ADK: variants seen among roughly 807,000 people sequenced by gnomAD.
ADK encodes the protein adenosine kinase, also known as N6,N6-dimethyladenosine kinase.
ADK carries 24 observed loss-of-function variants against 44.7 expected under a neutral mutation model. The observed-to-expected ratio is 0.54, with a 90% CI of 0.39 to 0.76. The LOEUF (loss-of-function observed/expected upper bound fraction) is 0.76. Ranked by LOEUF, ADK falls within the 30% of genes least tolerant of loss-of-function variation. The probability of loss-of-function intolerance (pLI) is 0.00; values close to 1 mark genes in which losing one functional copy is unlikely to be tolerated. For synonymous variants in ADK, 128 were observed against 142.6 expected (o/e 0.90, Z 0.73); for missense variants, 321 against 425.1 (o/e 0.76, Z 2.15).
intron 3 of ADK, among the ~76,000 whole-genome samples, chr10:74,284,781 A>G (rs1007194682): frequency 6.6e-6 from 1 of 152,242 alleles, no homozygotes; most frequent in Admixed American, 6.5e-5. Context: ...AAATTCTAAA[A>G]GTGATTCTCT....
intron 1 of ADK, among the ~76,000 whole-genome samples, chr10:74,181,021 T>C (rs2132082496): frequency 6.6e-6 from 1 of 152,346 alleles, no homozygotes; most frequent in Non-Finnish European, 1.5e-5. Flanking sequence ...TGGTGTCATC[T>C]GAGGAAAAAA....
intron 8 of ADK, among the ~76,000 whole-genome samples, chr10:74,598,964 T>C (rs767995046): frequency 6.6e-6 from 1 of 152,142 alleles, no homozygotes; most frequent in Non-Finnish European, 1.5e-5. Flanking sequence ...TATACATGAG[T>C]CATTTTAATT....
intron 3 of ADK, among the ~76,000 whole-genome samples, chr10:74,310,622 C>T (rs1432079025): frequency 2.0e-5 from 3 of 152,108 alleles, no homozygotes; most frequent in South Asian, 2.1e-4. Context: ...TTTACTCTGT[C>T]CAGTGTTATC....
intron 9 of ADK, among the ~76,000 whole-genome samples, chr10:74,623,708 A>T (rs958935523): frequency 6.6e-6 from 1 of 151,144 alleles, no homozygotes; most frequent in African/African-American, 2.4e-5. Flanking sequence ...CATAATATAT[A>T]TGTATTCTAG....
chr10:74,701,961 A>T (rs1176641669), intron 10 of ADK, among the ~76,000 whole-genome samples: 4 of 152,054 alleles, frequency 2.6e-5, no homozygotes, highest in Non-Finnish European at 5.9e-5. Flanking sequence ...AAATAAAAAT[A>T]ATTGTGCATT....
At chr10:74,279,075 T>G (rs1846814550) in intron 3 of ADK, among the ~76,000 whole-genome samples, 1 of 143,588 alleles carries the variant, frequency 7.0e-6, no homozygotes, top group Admixed American at 7.0e-5. Context: ...GATCAGGAAT[T>G]CAAGACCAGC....
At chr10:74,151,922 T>G (rs3812639) in intron 1 of ADK, among the ~76,000 whole-genome samples, 80,911 of 152,080 alleles carry the variant, frequency 0.53, 22,532 homozygotes, top group Non-Finnish European at 0.62. Context: ...TTTCTCTTTT[T>G]TATTTACACT....
intron 7 of ADK, among the ~76,000 whole-genome samples, chr10:74,553,223 A>G (rs1456858662): frequency 5.3e-4 from 40 of 75,730 alleles, no homozygotes; most frequent in Non-Finnish European, 8.0e-4. Flanking sequence ...TTTTTTTGAG[A>G]CAGAGTCTCA....
chr10:74,289,337 G>A (rs1315338631), intron 3 of ADK, among the ~76,000 whole-genome samples: 1 of 152,092 alleles, frequency 6.6e-6, no homozygotes, highest in East Asian at 1.9e-4. Flanking sequence ...ATGAGCCACC[G>A]TACCTGGCTG....
chr10:74,619,037 TGTGTGTGTG>T (rs1852881858), intron 9 of ADK, among the ~76,000 whole-genome samples: 1 of 151,408 alleles, frequency 6.6e-6, no homozygotes, highest in Non-Finnish European at 1.5e-5. Flanking sequence ...TGTGTGTGTG[TGTGTGTGTG>T]TGTGTGTGTG....
chr10:74,269,880 C>T, intron 3 of ADK, among the ~76,000 whole-genome samples: 1 of 152,124 alleles, frequency 6.6e-6, no homozygotes, highest in East Asian at 1.9e-4. Flanking sequence ...TGCCAGTAGT[C>T]CCAGCTACTC....
chr10:74,497,717 G>A (rs1282895200), intron 6 of ADK, among the ~76,000 whole-genome samples: 5 of 152,146 alleles, frequency 3.3e-5, no homozygotes, highest in Non-Finnish European at 7.4e-5. Flanking sequence ...TGTAGTCCCA[G>A]CTGCTTGGGA....
chr10:74,614,879 A>C (rs1246014924), intron 9 of ADK, among the ~76,000 whole-genome samples: 5 of 152,146 alleles, frequency 3.3e-5, no homozygotes, highest in Admixed American at 3.3e-4. Flanking sequence ...AGCAAACAGA[A>C]CTTGGCAATA....
At chr10:74,398,025 T>G (rs1336405976) in intron 5 of ADK, among the ~76,000 whole-genome samples, 1 of 152,252 alleles carries the variant, frequency 6.6e-6, no homozygotes, top group Non-Finnish European at 1.5e-5. Flanking sequence ...ACGAAATTAA[T>G]TCCATATTTG....
At chr10:74,473,569 A>T (rs1299486283) in intron 6 of ADK, among the ~76,000 whole-genome samples, 2 of 152,190 alleles carry the variant, frequency 1.3e-5, no homozygotes, top group Admixed American at 6.5e-5. Flanking sequence ...GATAGTTTGT[A>T]GGATATCTTT....
At chr10:74,165,357 A>G (rs938228519) in intron 1 of ADK, among the ~76,000 whole-genome samples, 2 of 152,184 alleles carry the variant, frequency 1.3e-5, no homozygotes, top group Admixed American at 6.5e-5. Context: ...AAGGTAACAC[A>G]GTAAGTTACA....
chr10:74,570,679 A>G (rs370878622), intron 7 of ADK, among the ~76,000 whole-genome samples: 1 of 152,172 alleles, frequency 6.6e-6, no homozygotes, highest in East Asian at 1.9e-4. Flanking sequence ...CAGCTTAAGG[A>G]GATTTTGGGC....
intron 6 of ADK, among the ~76,000 whole-genome samples, chr10:74,454,679 T>A (rs1262426191): frequency 6.6e-6 from 1 of 152,192 alleles, no homozygotes; most frequent in East Asian, 1.9e-4. Flanking sequence ...TACTATAATT[T>A]AAGTGTAAGT....
intron 4 of ADK, among the ~76,000 whole-genome samples, chr10:74,384,086 A>T (rs1843062234): frequency 6.6e-6 from 1 of 152,148 alleles, no homozygotes; most frequent in Non-Finnish European, 1.5e-5. Flanking sequence ...GTTCTGCAAC[A>T]ACTCCTATTA....
Sources: gnomAD v4.1 joint callset for allele counts (sites outside exome capture counted in the v4.1 genomes callset) on GRCh38, gnomAD v4.1.1 for gene constraint, MANE v1.5 for transcripts, NCBI Gene and HGNC (gene_info 2026-07-23, HGNC 2026-07-21) for gene names.